Variants in NACC2 observed in about 807,000 individuals in gnomAD.
NACC2 encodes NACC family member 2.
Under a neutral mutation model 25.1 loss-of-function variants are expected in NACC2, and 8 were observed. That is an observed-to-expected ratio of 0.32 (90% CI 0.19 to 0.57). The LOEUF is 0.57. NACC2 is among the 20% of genes least tolerant of loss of function. NACC2 has a pLI of 0.89. For synonymous variants in NACC2, 435 were observed against 294.7 expected (o/e 1.48, Z -4.88); for missense variants, 644 against 650.2 (o/e 0.99, Z 0.10).
chr9:136,059,894 C>T (rs1312469246), intron 1 of NACC2, among the ~76,000 whole-genome samples: 2 of 152,244 alleles, frequency 1.3e-5, no homozygotes, highest in African/African-American at 4.8e-5. Context: ...AACTCAATTG[C>T]AGCCAAGACC....
chr9:136,036,761 G>A (rs1261803157), intron 2 of NACC2, among the ~76,000 whole-genome samples: 20 of 152,192 alleles, frequency 1.3e-4, no homozygotes, highest in Admixed American at 6.5e-5. Flanking sequence ...ATAATAATCA[G>A]AACCTCAGTG....
chr9:136,061,004 G>A (rs187226331), intron 1 of NACC2, among the ~76,000 whole-genome samples: 93 of 152,338 alleles, frequency 6.1e-4, no homozygotes, highest in African/African-American at 2.0e-3. Flanking sequence ...GGTTTGTTCT[G>A]CACCATCACA....
chr9:136,031,016 A>C (rs1323497008), intron 2 of NACC2, among the ~76,000 whole-genome samples: 1 of 152,172 alleles, frequency 6.6e-6, no homozygotes, highest in Non-Finnish European at 1.5e-5. Flanking sequence ...ACAACTTACC[A>C]AACCTGACAC....
At chr9:136,024,545 TGA>T (rs879614435) in intron 2 of NACC2, among the ~76,000 whole-genome samples, 3,427 of 132,466 alleles carry the variant, frequency 0.026, 100 homozygotes, top group East Asian at 0.11. Flanking sequence ...ACAGTGTGTG[TGA>T]GGACAGTGTG....
intron 1 of NACC2, among the ~76,000 whole-genome samples, chr9:136,094,795 C>G (rs936251419): frequency 7.9e-5 from 12 of 151,974 alleles, no homozygotes; most frequent in Non-Finnish European, 1.3e-4. Flanking sequence ...ACCCGGAGGG[C>G]TGGATCGGCC....
chr9:136,070,094 A>G (rs971879473), intron 1 of NACC2, among the ~76,000 whole-genome samples: 1 of 151,948 alleles, frequency 6.6e-6, no homozygotes, highest in Non-Finnish European at 1.5e-5. Flanking sequence ...AAAATTACAC[A>G]GTGTGTTCTC....
chr9:136,029,844 G>A (rs1342200842), intron 2 of NACC2, among the ~76,000 whole-genome samples: 1 of 152,064 alleles, frequency 6.6e-6, no homozygotes, highest in Non-Finnish European at 1.5e-5. Flanking sequence ...ACCCCTTGCT[G>A]CTCTGTGCCT....
chr9:136,077,128 G>T (rs1327025654), intron 1 of NACC2, among the ~76,000 whole-genome samples: 1 of 145,798 alleles, frequency 6.9e-6, no homozygotes, highest in Non-Finnish European at 1.5e-5. Context: ...GCAGTGAGCC[G>T]AGATTGCGCC....
intron 2 of NACC2, among the ~76,000 whole-genome samples, chr9:136,044,880 C>T (rs1027699462): frequency 3.9e-5 from 6 of 152,148 alleles, no homozygotes; most frequent in African/African-American, 7.2e-5. Context: ...GGCCCAGGGC[C>T]GGGAGCACCC....
intron 2 of NACC2, among the ~76,000 whole-genome samples, chr9:136,042,256 G>C (rs1840644447): frequency 6.6e-6 from 1 of 152,170 alleles, no homozygotes; most frequent in Admixed American, 6.5e-5. Flanking sequence ...CCAAAGTGCT[G>C]GGATTACAGG....
At chr9:136,030,567 G>A (rs186041097) in intron 2 of NACC2, among the ~76,000 whole-genome samples, 44 of 151,706 alleles carry the variant, frequency 2.9e-4, no homozygotes, top group East Asian at 2.5e-3. Context: ...CCGAGACTGC[G>A]CCACTGCACT....
intron 1 of NACC2, among the ~76,000 whole-genome samples, chr9:136,078,868 C>T (rs936422387): frequency 2.0e-5 from 3 of 152,210 alleles, no homozygotes; most frequent in African/African-American, 7.2e-5. Flanking sequence ...CTTGTCCAGG[C>T]GACCTTGTGG....
At chr9:136,041,003 AAAGG>A (rs1340044788) in intron 2 of NACC2, among the ~76,000 whole-genome samples, 3 of 150,068 alleles carry the variant, frequency 2.0e-5, no homozygotes, top group African/African-American at 4.9e-5. Context: ...GGAAGGAAAG[AAAGG>A]AAGGAAGGAA....
rs925186044 is a variant in NACC2, at chr9:136,086,686, G to A, written c.-60+8503C>T. Among the ~76,000 whole-genome samples the A allele has an allele frequency of 7.2e-5, 11 of 152,078 alleles. No homozygotes were observed. Among genetic ancestry groups the A allele is most frequent in the African/African-American group, 2.4e-4 (10 of 41,396 alleles). ...AACTTACATAACCGCAGATGACAAC[G>A]CCGACTCCTAGGAAAACCCTCCCCG... On this transcript the variant is annotated intron_variant, in intron 1 of 5. Transcript: ENST00000277554. This position sits in a 1 kb window ranked among gnomAD's most constrained non-coding sequence, Gnocchi z 5.6.
intron 2 of NACC2, among the ~76,000 whole-genome samples, chr9:136,024,474 CGTGTGAGGACAGTGT>C (rs551804875): frequency 0.05 from 4,206 of 83,460 alleles, 125 homozygotes; most frequent in Middle Eastern, 0.16. Context: ...ACAGAGGGTG[CGTGTGAGGACAGTGT>C]GTGTGAGGAC....
chr9:136,051,430 G>T (rs886125935), intron 1 of NACC2, among the ~76,000 whole-genome samples: 68 of 152,304 alleles, frequency 4.5e-4, no homozygotes, highest in African/African-American at 1.5e-3. Flanking sequence ...GTGACTACAG[G>T]GGTCCCAGCC....
At chr9:136,082,664 T>C (rs62583484) in intron 1 of NACC2, among the ~76,000 whole-genome samples, 88,472 of 151,684 alleles carry the variant, frequency 0.58, 25,984 homozygotes, top group South Asian at 0.67. Context: ...CGGACCTGCC[T>C]CCCAAGAAGC....
intron 2 of NACC2, among the ~76,000 whole-genome samples, chr9:136,044,514 G>A (rs1231357528): frequency 2.6e-5 from 4 of 152,066 alleles, no homozygotes; most frequent in East Asian, 1.9e-4. Flanking sequence ...TCTGCTTGGG[G>A]CCTCCTCTTG....
At position 136,013,766 on chromosome 9, in the gene NACC2, C is replaced by T. The variant is rs900172253; in HGVS notation, c.1157+98G>A. 1.8e-6 allele frequency: 2 copies of T among 1,114,296 alleles called. No individual in the cohort carries two copies. The highest frequency in any genetic ancestry group is 2.6e-6 in the Non-Finnish European group (2 of 778,598). 69.0% of individuals were successfully genotyped at this position (1,114,296 alleles called of 1,614,324 possible). Reference sequence around the variant, plus strand: ...GAAGTCAGGAATGCGAGAGGGCTTTCAATGCCACAACCCTGGACGATCAGA... The same window carrying T: ...GAAGTCAGGAATGCGAGAGGGCTTTTAATGCCACAACCCTGGACGATCAGA... On this transcript the variant is annotated intron_variant, in intron 4 of 5. Coordinates refer to ENST00000277554, the MANE Select transcript of NACC2 (RefSeq NM_144653.5). The surrounding 1 kb of genome is among the most constrained non-coding windows in gnomAD (Gnocchi z 6.6).
Sources: gnomAD v4.1 joint callset for allele counts (sites outside exome capture counted in the v4.1 genomes callset) on GRCh38, gnomAD v4.1.1 for gene constraint, Gnocchi (gnomAD v3.1) non-coding constraint, MANE v1.5 for transcripts, NCBI Gene and HGNC (gene_info 2026-07-23, HGNC 2026-07-21) for gene names.